Variants in AHNAK observed in about 807,000 individuals in gnomAD.
AHNAK encodes the protein neuroblast differentiation-associated protein AHNAK.
AHNAK carries 23 observed loss-of-function variants against 37.8 expected under a neutral mutation model. That is an observed-to-expected ratio of 0.61 (90% CI 0.44 to 0.86). The LOEUF is 0.86. Among genes scored for constraint, AHNAK ranks in the 40% least tolerant of loss-of-function variants. The pLI is 0.00. For missense variants in AHNAK, 7,411 were observed against 7,319.4 expected, an observed-to-expected ratio of 1.01 and a Z score of -0.46; for synonymous variants, 2,481 against 2,636.3, an observed-to-expected ratio of 0.94 and a Z score of 1.80.
chr11:62,522,029 A>G lies in AHNAK; in HGVS notation c.12388T>C (p.Ser4130Pro). Residue 4130 changes from serine (S) to proline (P), a missense_variant, in exon 5 of 5, where the codon TCT (serine) becomes CCT (proline). Ser to Pro is a moderately conservative substitution (Grantham distance 74). Transcript: ENST00000378024. ...PDLHLKAPKI[S>P]MPEVDLNLKG... Reference sequence around the variant, plus strand: ...AGATTCAGGTCAACTTCAGGCATAGAGATCTTCGGTGCCTTGAGGTGCAGG... The same window carrying G: ...AGATTCAGGTCAACTTCAGGCATAGGGATCTTCGGTGCCTTGAGGTGCAGG... 1 of 1,613,982 alleles carries G rather than the reference A, an allele frequency of 6.2e-7. No homozygotes were observed. The highest frequency in any genetic ancestry group is 8.5e-7 in the Non-Finnish European group (1 of 1,180,030).
intron 2 of AHNAK, 155 bp downstream of exon 2, chr11:62,536,314 A>G (rs1258295261): frequency 2.1e-6 from 1 of 480,600 alleles, no homozygotes; most frequent in Non-Finnish European, 3.6e-6. Context: ...AAGGCACAGC[A>G]AAGAAGATGG....
In AHNAK at chr11:62,524,997, A is replaced by T. The variant is rs1329036972; in HGVS notation, c.9420T>A (p.Asp3140Glu). ...PKVDINAPDV[D>E]VQGPDWHLKM... is the part of the protein sequence containing the mutation. ...TCAGGTGCCAGTCTGGGCCTTGAACATCCACATCTGGGGCATTAATATCCA... is the reference window on the plus strand; with the variant it reads ...TCAGGTGCCAGTCTGGGCCTTGAACTTCCACATCTGGGGCATTAATATCCA... The change falls in exon 5 of 5, where the codon GAT (aspartate) becomes GAA (glutamate). Residue 3140 changes from aspartate to glutamate, a missense_variant. Physicochemically the swap from Asp to Glu is conservative, Grantham distance 45 (BLOSUM62 2). Coordinates refer to ENST00000378024, the MANE Select transcript of AHNAK (RefSeq NM_001620.3). The T allele has an allele frequency of 1.2e-6, 2 of 1,610,502 alleles. No individual in the cohort carries two copies. Among genetic ancestry groups the T allele is most frequent in the Non-Finnish European group, 1.7e-6 (2 of 1,178,954 alleles).
At chr11:62,503,299 C>T (rs1347773930) in intron 4 of AHNAK, among the ~76,000 whole-genome samples, 3 of 152,186 alleles carry the variant, frequency 2.0e-5, no homozygotes, top group Admixed American at 6.5e-5. Context: ...TGTAAAACAA[C>T]GAAAGTGGGC....
intron 5 of AHNAK, among the ~76,000 whole-genome samples, chr11:62,487,766 A>T (rs1939421709): frequency 6.6e-6 from 1 of 152,192 alleles, no homozygotes; most frequent in Admixed American, 6.5e-5. Context: ...AAACCATGTA[A>T]TGTTCAAACG....
At chr11:62,476,390 C>T (rs772270909) in intron 5 of AHNAK, among the ~76,000 whole-genome samples, 5 of 152,126 alleles carry the variant, frequency 3.3e-5, no homozygotes, top group Non-Finnish European at 5.9e-5. Flanking sequence ...AAGACTCCGT[C>T]TCAAAAAAAA....
intron 4 of AHNAK, among the ~76,000 whole-genome samples, chr11:62,505,193 G>A (rs970302332): frequency 4.6e-5 from 7 of 152,090 alleles, no homozygotes; most frequent in African/African-American, 1.7e-4. Flanking sequence ...CAGCCCCCCA[G>A]GGTCTTCTTT....
rs1375572233 is a variant in AHNAK, at chr11:62,517,931, C to T, written c.16486G>A (p.Gly5496Arg). ...QGLEGNLQMP[G>R]IKSSGCDVNL... is the part of the protein sequence containing the mutation. ...ACATCACATCCAGAGGACTTAATTCCAGGCATCTGGAGGTTTCCTTCTAGG... is the reference window on the plus strand; with the variant it reads ...ACATCACATCCAGAGGACTTAATTCTAGGCATCTGGAGGTTTCCTTCTAGG... The change falls in exon 5 of 5, where the codon GGA becomes AGA. Residue 5496 changes from glycine to arginine, a missense_variant. Transcript: ENST00000378024. 8.1e-6 allele frequency: 13 copies of T among 1,614,196 alleles called. No individual in the cohort carries two copies. Among genetic ancestry groups the T allele is most frequent in the Non-Finnish European group, 1.1e-5 (13 of 1,180,032 alleles).
rs766787640 is a variant in AHNAK at position 62,529,687 on chromosome 11, T to C, written c.4730A>G (p.His1577Arg). Reference sequence around the variant, plus strand: ...TCCAACATCAGGCATAGAGATTTTGTGCGTCTGTATATTCATGCTTGGCAT... The same window carrying C: ...TCCAACATCAGGCATAGAGATTTTGCGCGTCTGTATATTCATGCTTGGCAT... ...FKMPSMNIQT[H>R]KISMPDVGLN... Residue 1577 changes from histidine (H) to arginine (R), a missense_variant, in exon 5 of 5, where the codon CAC (histidine) becomes CGC (arginine). Physicochemically the swap from His to Arg is conservative, Grantham distance 29. Transcript: ENST00000378024. 4.3e-6 allele frequency: 7 copies of C among 1,613,926 alleles called. No individual in the cohort carries two copies. The South Asian group carries it at 6.6e-5, about 15-fold the overall frequency.
At chr11:62,458,657 GCTT>G (rs1394165565) in intron 5 of AHNAK, among the ~76,000 whole-genome samples, 1 of 152,110 alleles carries the variant, frequency 6.6e-6, no homozygotes, top group Non-Finnish European at 1.5e-5. Context: ...TCCCTACCTG[GCTT>G]CTTCTGCCTG....
intron 5 of AHNAK, among the ~76,000 whole-genome samples, chr11:62,482,013 G>A (rs553069594): frequency 3.1e-4 from 47 of 152,224 alleles, no homozygotes; most frequent in African/African-American, 1.1e-3. Context: ...CTTCCCTGCT[G>A]GGTCAGCCAT....
In AHNAK at chr11:62,528,322, A is replaced by G. The variant is rs755204444; in HGVS notation, c.6095T>C (p.Ile2032Thr). 2.5e-6 allele frequency: 4 copies of G among 1,614,030 alleles called. No individual in the cohort carries two copies. The highest frequency in any genetic ancestry group is 2.2e-5 in the East Asian group (1 of 44,850). The change falls in exon 5 of 5, where the codon ATT becomes ACT. Residue 2032 changes from isoleucine (I) to threonine (T), a missense_variant. Ile to Thr is a moderately conservative substitution (Grantham distance 89, BLOSUM62 -1). Transcript: ENST00000378024. ...ATGAACATCCACATCTGGGGCATCA[A>G]TGTCCATTTTGGGTCCTTTGATGTC... is the stretch of plus-strand genomic sequence containing the variant. ...DVDIKGPKMD[I>T]DAPDVDVHGP...
chr11:62,489,316 G>T (rs893585821), intron 5 of AHNAK, among the ~76,000 whole-genome samples: 1 of 151,878 alleles, frequency 6.6e-6, no homozygotes, highest in Admixed American at 6.6e-5. Context: ...TGTTGCTGGA[G>T]TGAAAAGCCC....
In AHNAK at chr11:62,520,099, C is replaced by T. The variant is rs1315912012; in HGVS notation, c.14318G>A (p.Gly4773Asp). The T allele has an allele frequency of 9.3e-6, 15 of 1,612,402 alleles. No homozygotes were observed. The highest frequency in any genetic ancestry group is 1.3e-5 in the Non-Finnish European group (15 of 1,179,588). ...GGGCATCTTCAGGTGCCAGTCTGGG[C>T]CATGAACATCCACATCAGGGGTGTT... Reference protein sequence around the residue: ...DINTPDVDVHGPDWHLKMPKV... With the variant: ...DINTPDVDVHDPDWHLKMPKV... The change falls in exon 5 of 5, where the codon GGC becomes GAC. Residue 4773 changes from glycine (G) to aspartate (D), a missense_variant. By Grantham distance (94) the Gly-to-Asp change is moderately conservative. Transcript: ENST00000378024.
chr11:62,507,068 T>C (rs1939825868), intron 4 of AHNAK, among the ~76,000 whole-genome samples: 1 of 152,064 alleles, frequency 6.6e-6, no homozygotes, highest in Non-Finnish European at 1.5e-5. Flanking sequence ...CCGGTCCTTC[T>C]GCCTGGAATT....
chr11:62,523,271 T>C lies in AHNAK; in HGVS notation c.11146A>G (p.Thr3716Ala), dbSNP rs943350938. ...GAGCCTTCGATGTTAATGTCAGGAG[T>C]GTCAATGTCCACTTTGGGGCCCTTG... ...DIKGPKVDIDTPDINIEGSEG... is the reference protein window; with the variant it reads ...DIKGPKVDIDAPDINIEGSEG... Residue 3716 changes from threonine to alanine, a missense_variant, in exon 5 of 5, where the codon ACT (threonine) becomes GCT (alanine). By Grantham distance (58) the Thr-to-Ala change is moderately conservative. Coordinates refer to ENST00000378024, the MANE Select transcript of AHNAK (RefSeq NM_001620.3). 7 of 1,612,108 alleles carry C rather than the reference T, an allele frequency of 4.3e-6. No homozygotes were observed. Among genetic ancestry groups the C allele is most frequent in the Non-Finnish European group, 5.9e-6 (7 of 1,179,380 alleles).
chr11:62,451,761 C>A (rs2134803788), intron 5 of AHNAK, among the ~76,000 whole-genome samples: 1 of 145,590 alleles, frequency 6.9e-6, no homozygotes, highest in East Asian at 2.1e-4. Flanking sequence ...AAAAATTAAT[C>A]TCATAGGATA....
chr11:62,507,534 T>G (rs1245182788), intron 4 of AHNAK, among the ~76,000 whole-genome samples: 1 of 152,202 alleles, frequency 6.6e-6, no homozygotes, highest in Non-Finnish European at 1.5e-5. Flanking sequence ...CTCACACCTG[T>G]AATCCCAGCA....
At chr11:62,514,145 G>C (rs1939963851), downstream of AHNAK, among the ~76,000 whole-genome samples, 3 of 152,220 alleles carry the variant, frequency 2.0e-5, no homozygotes, top group South Asian at 6.2e-4. Context: ...TCTCCTCAGA[G>C]GACTTTCCAG....
Position 62,524,580 on chromosome 11 carries a change from T to C in AHNAK, c.9837A>G (p.Pro3279=). ...CATGCATGTCAGGCATCTTCAGTTT[T>C]GGACCTTTTAATTTGGCATCTGGGC... ...IHGPDAKLKG[P]KLKMPDMHVN... The change falls in exon 5 of 5, where the codon CCA becomes CCG. Residue 3279 remains proline, a synonymous_variant. Coordinates refer to ENST00000378024, the MANE Select transcript of AHNAK (RefSeq NM_001620.3). 2 of 1,613,950 alleles carry C rather than the reference T, an allele frequency of 1.2e-6. No individual in the cohort carries two copies. The highest frequency in any genetic ancestry group is 1.7e-6 in the Non-Finnish European group (2 of 1,179,974).
Sources: gnomAD v4.1 joint callset for allele counts (sites outside exome capture counted in the v4.1 genomes callset) on GRCh38, gnomAD v4.1.1 for gene constraint, MANE v1.5 for transcripts, NCBI Gene and HGNC (gene_info 2026-07-23, HGNC 2026-07-21) for gene names.